TMEM178B: variants seen among roughly 807,000 people sequenced by gnomAD.
TMEM178B encodes transmembrane protein 178B.
Under a neutral mutation model 31.0 loss-of-function variants are expected in TMEM178B, and 5 were observed. The ratio of observed to expected loss-of-function variants is 0.16; its 90% CI spans 0.08 to 0.34. The LOEUF (loss-of-function observed/expected upper bound fraction) is 0.34, where lower values mean the gene tolerates loss of function less well. Ranked by LOEUF, TMEM178B falls within the 10% of genes least tolerant of loss-of-function variation. TMEM178B has a pLI of 1.00. For missense variants in TMEM178B, 275 were observed against 400.3 expected, an observed-to-expected ratio of 0.69 and a Z score of 2.67; for synonymous variants, 164 against 164.0, an observed-to-expected ratio of 1.00 and a Z score of 0.00.
intron 2 of TMEM178B, among the ~76,000 whole-genome samples, chr7:141,213,900 T>C (rs948423927): frequency 2.6e-5 from 4 of 152,230 alleles, no homozygotes; most frequent in African/African-American, 9.6e-5. Context: ...ATGGATGAGA[T>C]AGCATTCACC....
At chr7:141,443,653 A>T (rs1203631158) in intron 3 of TMEM178B, among the ~76,000 whole-genome samples, 1 of 152,136 alleles carries the variant, frequency 6.6e-6, no homozygotes, top group African/African-American at 2.4e-5. Flanking sequence ...ACACTGTAAA[A>T]TTATTTTTCC....
In TMEM178B at chr7:141,074,384, C is replaced by G. The variant is rs1347477881; in HGVS notation, c.74C>G (p.Ala25Gly). 1 of 1,536,158 alleles carries G rather than the reference C, an allele frequency of 6.5e-7. No individual in the cohort carries two copies. The highest frequency in any genetic ancestry group is 8.7e-7 in the Non-Finnish European group (1 of 1,146,888). ...TGCGCCCTCGGCATGCTGGCCGTGG[C>G]CATCTGCTCGGACCACTGGTACGAG... Reference protein sequence around the residue: ...ALCALGMLAVAICSDHWYETD... With the variant: ...ALCALGMLAVGICSDHWYETD... The change falls in exon 1 of 4, where the codon GCC (alanine) becomes GGC (glycine). Residue 25 changes from alanine to glycine, a missense_variant. Ala to Gly is a moderately conservative substitution (Grantham distance 60). Coordinates refer to ENST00000565468, the MANE Select transcript of TMEM178B (RefSeq NM_001195278.2). The surrounding 1 kb of genome is among the most constrained non-coding windows in gnomAD (Gnocchi z 5.1).
At position 141,075,168 on chromosome 7, in the gene TMEM178B, C is replaced by G. The variant is rs369219889; in HGVS notation, c.382+476C>G. Among the ~76,000 whole-genome samples the G allele has an allele frequency of 2.4e-3, 360 of 152,194 alleles. 1 individual carries two copies. Among genetic ancestry groups the G allele is most frequent in the Middle Eastern group, 0.01 (3 of 294 alleles). The stretch of plus-strand genomic sequence containing the variant: ...ACGTTTGCTGAGCGCTATACTATAC[C>G]AGATATGGTGTAGGCACTGGTCATA... On this transcript the variant is annotated intron_variant, in intron 1 of 3. Coordinates refer to ENST00000565468, the MANE Select transcript of TMEM178B (RefSeq NM_001195278.2).
At chr7:141,246,066 C>T (rs538808044) in intron 2 of TMEM178B, among the ~76,000 whole-genome samples, 3 of 152,158 alleles carry the variant, frequency 2.0e-5, no homozygotes, top group East Asian at 3.9e-4. Flanking sequence ...TTAGGAAAAG[C>T]CTGTTTAGCT....
chr7:141,318,682 AGTCT>A lies in TMEM178B; in HGVS notation c.496+105984_496+105987del, dbSNP rs1439840689. On this transcript the variant is annotated intron_variant, in intron 2 of 3. Transcript: ENST00000565468. This position sits in a 1 kb window ranked among gnomAD's most constrained non-coding sequence, Gnocchi z 4.1. ...AGACACTTAGAATTTTGCTGCTTTA[AGTCT>A]GTCTGATTCACAGCTCATCTTGATC... 2.6e-5 allele frequency among the ~76,000 whole-genome samples: 4 copies of A among 152,204 alleles called. No homozygotes were observed. The highest frequency in any genetic ancestry group is 9.7e-5 in the African/African-American group (4 of 41,444).
chr7:141,423,805 GTTT>G (rs5888005), intron 2 of TMEM178B, among the ~76,000 whole-genome samples: 1 of 108,794 alleles, frequency 9.2e-6, no homozygotes, highest in Non-Finnish European at 1.8e-5. Flanking sequence ...TGACATTTGT[GTTT>G]TTTTTTTTTT....
chr7:141,302,408 A>G (rs1798743829), intron 2 of TMEM178B, among the ~76,000 whole-genome samples: 1 of 152,234 alleles, frequency 6.6e-6, no homozygotes. Flanking sequence ...TTATATGAGT[A>G]GTCAAATTGA....
intron 1 of TMEM178B, among the ~76,000 whole-genome samples, chr7:141,132,390 A>C (rs546427749): frequency 8.9e-4 from 135 of 152,366 alleles, no homozygotes; most frequent in African/African-American, 2.5e-3. Flanking sequence ...GTTTAATGAA[A>C]GCATTTTAAA....
chr7:141,354,578 C>CT (rs1306044010), intron 2 of TMEM178B, among the ~76,000 whole-genome samples: 11 of 152,300 alleles, frequency 7.2e-5, no homozygotes, highest in Middle Eastern at 3.4e-3. Flanking sequence ...CTTTTGGGAG[C>CT]AGTTTCTTGT....
At chr7:141,354,973 GTTTTTA>G (rs1276808823) in intron 2 of TMEM178B, among the ~76,000 whole-genome samples, 2 of 152,250 alleles carry the variant, frequency 1.3e-5, no homozygotes, top group African/African-American at 2.4e-5. Flanking sequence ...TCCCCTTTGA[GTTTTTA>G]TTTTTATTTT....
At chr7:141,177,763 C>T (rs1007683437) in intron 1 of TMEM178B, among the ~76,000 whole-genome samples, 2 of 152,120 alleles carry the variant, frequency 1.3e-5, no homozygotes, top group Non-Finnish European at 2.9e-5. Context: ...AGAATTGCAA[C>T]CCCTGCTTTT....
At chr7:141,128,487 A>G (rs1795541630) in intron 1 of TMEM178B, among the ~76,000 whole-genome samples, 1 of 152,174 alleles carries the variant, frequency 6.6e-6, no homozygotes, top group African/African-American at 2.4e-5. Flanking sequence ...CTTCTCTACA[A>G]TGAACAAGCA....
chr7:141,343,584 A>AGTGCAATG lies in TMEM178B; in HGVS notation c.497-94013_497-94006dup, dbSNP rs569426687. On this transcript the variant is annotated intron_variant, in intron 2 of 3. Coordinates refer to ENST00000565468, the MANE Select transcript of TMEM178B (RefSeq NM_001195278.2). ...AGTCTTGCTCTGTCTCCCAGGCTGGAGTGCAATGGTGCAATGGTTCAATGG... is the reference window on the plus strand; with the variant it reads ...AGTCTTGCTCTGTCTCCCAGGCTGGAGTGCAATGGTGCAATGGTGCAATGGTTCAATGG... Among the ~76,000 whole-genome samples, 668 of 121,612 alleles carry AGTGCAATG rather than the reference A, an allele frequency of 5.5e-3. 4 individuals are homozygous for AGTGCAATG. Among genetic ancestry groups the AGTGCAATG allele is most frequent in the Non-Finnish European group, 7.8e-3 (500 of 63,700 alleles). The allele number at this position is 121,612 out of a possible 152,430, so 79.8% of individuals were successfully genotyped here. A position where few individuals can be genotyped will look rare whatever the true frequency, so the allele number is the denominator to read the frequency against.
chr7:141,311,689 AT>A (rs1330136545), intron 2 of TMEM178B, among the ~76,000 whole-genome samples: 52 of 152,252 alleles, frequency 3.4e-4, no homozygotes, highest in Admixed American at 3.4e-3. Flanking sequence ...TTCTGGTTCA[AT>A]TTTGTTCAGT....
Position 141,212,578 on chromosome 7 carries a change from T to C in TMEM178B, c.383-13T>C, listed in dbSNP as rs1010081569. The C allele has an allele frequency of 6.5e-7, 1 of 1,534,302 alleles. No homozygotes were observed. Among genetic ancestry groups the C allele is most frequent in the African/African-American group, 1.4e-5 (1 of 73,026 alleles). ...GCTTCCTTAACATTTTGTTTCCTGT[T>C]TCTCTTTTCTAGGAGAAATTGAGCG... On this transcript the variant is annotated splice_polypyrimidine_tract_variant and intron_variant, in intron 1 of 3. Transcript: ENST00000565468.
intron 1 of TMEM178B, among the ~76,000 whole-genome samples, chr7:141,154,003 T>C (rs1433427872): frequency 1.3e-5 from 2 of 152,250 alleles, no homozygotes; most frequent in Non-Finnish European, 2.9e-5. Context: ...TTTTGAAGTC[T>C]TGATGAATAT....
chr7:141,356,701 C>T (rs1203836825), intron 2 of TMEM178B, among the ~76,000 whole-genome samples: 1 of 151,210 alleles, frequency 6.6e-6, no homozygotes, highest in East Asian at 2.0e-4. Context: ...GCTGAGTGGC[C>T]TCACTCAGCA....
intron 2 of TMEM178B, among the ~76,000 whole-genome samples, chr7:141,247,204 TA>T (rs1797750169): frequency 9.3e-5 from 14 of 149,976 alleles, no homozygotes; most frequent in Non-Finnish European, 1.9e-4. Context: ...GGTTTCTCTC[TA>T]CACACACACA....
chr7:141,216,423 C>CTGTG (rs575369422), intron 2 of TMEM178B, among the ~76,000 whole-genome samples: 2,022 of 89,402 alleles, frequency 0.023, 92 homozygotes, highest in African/African-American at 0.062. Context: ...AGGATGAAGC[C>CTGTG]TGTGTGTGTG....
Sources: allele counts gnomAD v4.1 joint callset (sites outside exome capture counted in the v4.1 genomes callset), GRCh38; gene constraint gnomAD v4.1.1; non-coding constraint Gnocchi (gnomAD v3.1); transcripts MANE v1.5; gene names NCBI Gene and HGNC (gene_info 2026-07-23, HGNC 2026-07-21).